IL1R2: variants seen among roughly 807,000 people sequenced by gnomAD.
IL1R2 encodes the protein interleukin-1 receptor type 2.
Under a neutral mutation model 39.5 loss-of-function variants are expected in IL1R2, and 46 were observed. The ratio of observed to expected loss-of-function variants is 1.16; its 90% confidence interval spans 0.92 to 1.49. IL1R2 has a LOEUF of 1.49. Ranked by LOEUF, IL1R2 falls within the 40% of genes most tolerant of loss-of-function variation. The pLI is 0.00. For missense variants in IL1R2, 537 were observed against 502.0 expected, an observed-to-expected ratio of 1.07 and a Z score of -0.67; for synonymous variants, 207 against 189.6, an observed-to-expected ratio of 1.09 and a Z score of -0.75.
chr2:102,013,948 A>G (rs765437311), intron 3 of IL1R2, among the ~76,000 whole-genome samples: 1 of 152,128 alleles, frequency 6.6e-6, no homozygotes, highest in South Asian at 2.1e-4. Context: ...CTATTTGGTG[A>G]GCAGCACTAC....
intron 4 of IL1R2, among the ~76,000 whole-genome samples, chr2:102,019,078 T>A (rs1677191926): frequency 6.6e-6 from 1 of 152,204 alleles, no homozygotes; most frequent in Non-Finnish European, 1.5e-5. Flanking sequence ...CCTGGAGGCC[T>A]TGATCTTGAG....
At chr2:102,022,030 TA>T in intron 5 of IL1R2, 156 bp from the exon 6 acceptor site, 1 of 655,098 alleles carries the variant, frequency 1.5e-6, no homozygotes, top group Non-Finnish European at 2.8e-6. Context: ...CTCGATTTTG[TA>T]GAGAGCCTGT....
rs1163128978 is a variant in IL1R2 at position 102,005,928 on chromosome 2, T to C, written c.-61-2587T>C. 4.6e-5 allele frequency among the ~76,000 whole-genome samples: 7 copies of C among 152,336 alleles called. No individual in the cohort carries two copies. In the South Asian group the frequency reaches 1.2e-3, roughly 27 times the overall value. On this transcript the variant is annotated intron_variant, in intron 1 of 8. Coordinates refer to ENST00000332549, the MANE Select transcript of IL1R2 (RefSeq NM_004633.4). ...TAAATTTCAACATCTGCTTACTAGCTGTAAGATCTCGGCCAGGCCTTTTAA... is the reference window on the plus strand; with the variant it reads ...TAAATTTCAACATCTGCTTACTAGCCGTAAGATCTCGGCCAGGCCTTTTAA...
chr2:102,009,725 G>A lies in IL1R2; in HGVS notation c.231G>A (p.Thr77=), dbSNP rs2230401. The A allele has an allele frequency of 7.6e-3, 12,236 of 1,614,164 alleles. 669 individuals are homozygous for A. The African/African-American group carries it at 0.13, about 17-fold the overall frequency. ...GGCATAAAAATGACTCTGCTAGGACGGTCCCAGGAGAAGAAGAGACACGGA... is the reference window on the plus strand; with the variant it reads ...GGCATAAAAATGACTCTGCTAGGACAGTCCCAGGAGAAGAAGAGACACGGA... The part of the protein sequence containing the change: ...LTWHKNDSAR[T]VPGEEETRMW... The change falls in exon 3 of 9, where the codon ACG becomes ACA. Residue 77 remains threonine, a synonymous_variant. Transcript: ENST00000332549.
At chr2:102,003,783 T>C (rs1676075016) in intron 1 of IL1R2, among the ~76,000 whole-genome samples, 1 of 45,286 alleles carries the variant, frequency 2.2e-5, no homozygotes. Context: ...TACGTGTATA[T>C]CTCTCTGTGT....
At chr2:102,010,196 G>A (rs146537475) in intron 3 of IL1R2, 22 of 224,444 alleles carry the variant, frequency 9.8e-5, no homozygotes, top group Middle Eastern at 1.7e-3. Context: ...CTCTGCAAGG[G>A]CAGGGACTTG....
At chr2:102,023,674 A>G (rs1677535885) in intron 6 of IL1R2, 1 of 152,214 alleles carries the variant, frequency 6.6e-6, no homozygotes, top group Admixed American at 6.5e-5. Flanking sequence ...GAATGAAAAA[A>G]AAAATAATTT....
chr2:102,018,156 G>A (rs1163332984), intron 4 of IL1R2, among the ~76,000 whole-genome samples: 1 of 152,116 alleles, frequency 6.6e-6, no homozygotes, highest in Non-Finnish European at 1.5e-5. Context: ...GGCTGGCCTC[G>A]AACTCCTGGG....
intron 2 of IL1R2, among the ~76,000 whole-genome samples, chr2:102,009,051 A>T (rs551793973): frequency 3.3e-5 from 5 of 151,744 alleles, no homozygotes; most frequent in South Asian, 2.1e-4. Flanking sequence ...AGGAAAAATT[A>T]AAAAAAAGAA....
At chr2:101,998,225 C>T (rs779853719) in intron 1 of IL1R2, among the ~76,000 whole-genome samples, 13 of 152,158 alleles carry the variant, frequency 8.5e-5, no homozygotes, top group Admixed American at 2.0e-4. Context: ...CTTTAATGTC[C>T]TGATATACTC....
At chr2:102,013,587 G>GAAAAAAA (rs57976300) in intron 3 of IL1R2, among the ~76,000 whole-genome samples, 1 of 60,964 alleles carries the variant, frequency 1.6e-5, no homozygotes, top group Non-Finnish European at 3.7e-5. Context: ...AAAAGAAAAA[G>GAAAAAAA]AAAAAAAAAA....
rs796846950 is a variant in IL1R2 at position 102,024,064 on chromosome 2, C to A, written c.752-469C>A. Among the ~76,000 whole-genome samples, 1,016 of 131,682 alleles carry A rather than the reference C, an allele frequency of 7.7e-3. 28 individuals carry two copies. The highest frequency in any genetic ancestry group is 0.029 in the African/African-American group (908 of 31,346). 86.4% of individuals were successfully genotyped at this position (131,682 alleles called of 152,430 possible). On this transcript the variant is annotated intron_variant, in intron 6 of 8. Transcript: ENST00000332549. ...ACTCCATCTCAAAAACAAAACAAAA[C>A]AAAACAAAAAAAACACGAGTTTTTA...
At chr2:102,013,406 C>T (rs895340484) in intron 3 of IL1R2, among the ~76,000 whole-genome samples, 11 of 151,078 alleles carry the variant, frequency 7.3e-5, no homozygotes, top group Admixed American at 4.0e-4. Context: ...TCTAGAACCA[C>T]GTGGTGAGTC....
intron 7 of IL1R2, 140 bp from the exon 8 acceptor site, chr2:102,025,971 A>G: frequency 1.6e-6 from 1 of 609,386 alleles, no homozygotes; most frequent in East Asian, 2.9e-5. Context: ...TATGGTGGCA[A>G]GAGCTCCTAA....
chr2:102,010,450 C>T (rs1345839460), intron 3 of IL1R2, among the ~76,000 whole-genome samples: 1 of 152,030 alleles, frequency 6.6e-6, no homozygotes, highest in South Asian at 2.1e-4. Context: ...GTGGCGGGCG[C>T]CTGTAGTCCC....
At chr2:102,021,305 C>CTTTTTTTTTTTTTTTTTTTTTTTTT (rs546019141) in intron 5 of IL1R2, among the ~76,000 whole-genome samples, 4 of 122,854 alleles carry the variant, frequency 3.3e-5, no homozygotes, top group African/African-American at 6.1e-5. Context: ...CTTTTCTTTT[C>CTTTTTTTTTTTTTTTTTTTTTTTTT]TTTTTTTTTT....
chr2:102,010,496 A>C (rs1488766994), intron 3 of IL1R2, among the ~76,000 whole-genome samples: 1 of 151,916 alleles, frequency 6.6e-6, no homozygotes, highest in African/African-American at 2.4e-5. Context: ...GAATGGCGTG[A>C]ACCCAGGAGA....
intron 1 of IL1R2, among the ~76,000 whole-genome samples, chr2:101,996,485 G>GTT (rs11382814): frequency 0.074 from 6,067 of 82,156 alleles, 120 homozygotes; most frequent in Middle Eastern, 0.15. Context: ...TGTTTTCAGT[G>GTT]TTTTTTTTTT....
intron 3 of IL1R2, among the ~76,000 whole-genome samples, chr2:102,011,071 C>T (rs1334038084): frequency 6.6e-6 from 1 of 152,184 alleles, no homozygotes; most frequent in Non-Finnish European, 1.5e-5. Context: ...GTCAGAGTTT[C>T]CTTCCTTTAT....
Sources: gnomAD v4.1 joint callset for allele counts (sites outside exome capture counted in the v4.1 genomes callset) on GRCh38, gnomAD v4.1.1 for gene constraint, MANE v1.5 for transcripts, NCBI Gene and HGNC (gene_info 2026-07-23, HGNC 2026-07-21) for gene names.